FHIT: variants seen among roughly 807,000 people sequenced by gnomAD.
FHIT encodes bis(5'-adenosyl)-triphosphatase.
FHIT carries 19 observed loss-of-function variants against 17.9 expected under a neutral mutation model. That is an observed-to-expected ratio of 1.06 (90% CI 0.74 to 1.56). The LOEUF is 1.56. Among genes scored for constraint, FHIT ranks in the 40% most tolerant of loss-of-function variants. The pLI is 0.00. For missense variants in FHIT, 248 were observed against 189.2 expected (o/e 1.31, Z -1.82); for synonymous variants, 81 against 69.7 (o/e 1.16, Z -0.81).
At chr3:60,352,097 A>G (rs1419774485) in intron 5 of FHIT, among the ~76,000 whole-genome samples, 1 of 152,142 alleles carries the variant, frequency 6.6e-6, no homozygotes, top group African/African-American at 2.4e-5. Context: ...TTGTATTTCC[A>G]GCACTGAGGA....
At chr3:60,065,503 G>A (rs549065342) in intron 5 of FHIT, among the ~76,000 whole-genome samples, 1 of 152,128 alleles carries the variant, frequency 6.6e-6, no homozygotes, top group Non-Finnish European at 1.5e-5. Context: ...AGATCATAAA[G>A]CTCTTAATCA....
At chr3:60,444,612 G>A (rs549099629) in intron 5 of FHIT, among the ~76,000 whole-genome samples, 10 of 151,942 alleles carry the variant, frequency 6.6e-5, no homozygotes, top group African/African-American at 1.2e-4. Context: ...ACCAAACACC[G>A]CATGTTCTCA....
chr3:60,491,894 A>G (rs2034083400), intron 5 of FHIT, among the ~76,000 whole-genome samples: 1 of 152,190 alleles, frequency 6.6e-6, no homozygotes, highest in Non-Finnish European at 1.5e-5. Context: ...TAATATTTGT[A>G]TTTAGAATAT....
chr3:60,799,330 A>G (rs2251707), intron 4 of FHIT, among the ~76,000 whole-genome samples: 56,055 of 151,890 alleles, frequency 0.37, 12,401 homozygotes, highest in East Asian at 0.76. Flanking sequence ...ATGTGCCACC[A>G]TGCCCAGCTA....
intron 8 of FHIT, among the ~76,000 whole-genome samples, chr3:59,770,204 A>ACTAT (rs1250412775): frequency 1.3e-5 from 2 of 152,196 alleles, no homozygotes; most frequent in Non-Finnish European, 2.9e-5. Flanking sequence ...TTTTTTGTGG[A>ACTAT]CTATCTCATC....
At chr3:60,091,044 T>G (rs1015660089) in intron 5 of FHIT, among the ~76,000 whole-genome samples, 5 of 152,184 alleles carry the variant, frequency 3.3e-5, no homozygotes, top group Admixed American at 3.3e-4. Flanking sequence ...TGACCTCAGC[T>G]CACTGATGCA....
At chr3:59,905,863 T>C (rs1376115545) in intron 8 of FHIT, among the ~76,000 whole-genome samples, 2 of 152,162 alleles carry the variant, frequency 1.3e-5, no homozygotes, top group Non-Finnish European at 2.9e-5. Flanking sequence ...TTGAATGATA[T>C]TATATAATCA....
chr3:61,208,347 T>C (rs2039326623), intron 1 of FHIT, among the ~76,000 whole-genome samples: 2 of 152,088 alleles, frequency 1.3e-5, no homozygotes, highest in South Asian at 4.1e-4. Flanking sequence ...GGTGCAGAGC[T>C]GAGTTCAATT....
At chr3:60,067,391 T>C (rs1250782509) in intron 5 of FHIT, among the ~76,000 whole-genome samples, 8 of 152,246 alleles carry the variant, frequency 5.3e-5, no homozygotes, top group Non-Finnish European at 7.4e-5. Flanking sequence ...AGACTATGAA[T>C]GAATATATAT....
chr3:60,116,683 C>G (rs1704976914), intron 5 of FHIT, among the ~76,000 whole-genome samples: 1 of 151,888 alleles, frequency 6.6e-6, no homozygotes, highest in Non-Finnish European at 1.5e-5. Flanking sequence ...AAAAAGTAGC[C>G]CCAATATTAA....
At chr3:59,958,363 A>C (rs565610964) in intron 7 of FHIT, among the ~76,000 whole-genome samples, 1 of 152,182 alleles carries the variant, frequency 6.6e-6, no homozygotes, top group Non-Finnish European at 1.5e-5. Context: ...GGACTGTATA[A>C]AAAAAATCAC....
intron 2 of FHIT, among the ~76,000 whole-genome samples, chr3:61,111,401 G>A (rs2036156139): frequency 6.6e-6 from 1 of 151,978 alleles, no homozygotes. Context: ...TAACTACCTT[G>A]TCTATACCAC....
intron 1 of FHIT, among the ~76,000 whole-genome samples, chr3:61,207,806 G>T (rs1194290187): frequency 6.6e-6 from 1 of 152,058 alleles, no homozygotes; most frequent in Non-Finnish European, 1.5e-5. Context: ...GGTTTTTTGT[G>T]TCTCTATTTC....
chr3:61,174,633 T>C (rs148459416), intron 2 of FHIT, among the ~76,000 whole-genome samples: 75 of 152,368 alleles, frequency 4.9e-4, no homozygotes, highest in Middle Eastern at 6.8e-3. Context: ...TTTCACATGC[T>C]ATAGCCAGGC....
At chr3:59,752,198 T>A (rs762200329) in intron 9 of FHIT, 23 bp downstream of exon 9, 1 of 1,565,192 alleles carries the variant, frequency 6.4e-7, no homozygotes, top group Admixed American at 1.7e-5. Context: ...AGGGTCTGGG[T>A]AATGACGAAA....
chr3:60,408,464 G>A (rs1701953224), intron 5 of FHIT, among the ~76,000 whole-genome samples: 1 of 152,160 alleles, frequency 6.6e-6, no homozygotes. Flanking sequence ...GGCAAGGAAT[G>A]ACTGTACTAG....
intron 2 of FHIT, among the ~76,000 whole-genome samples, chr3:61,044,452 G>C (rs2033683961): frequency 6.6e-6 from 1 of 152,110 alleles, no homozygotes; most frequent in Non-Finnish European, 1.5e-5. Flanking sequence ...AAAAAGAGAT[G>C]AACAAAGCCT....
intron 2 of FHIT, among the ~76,000 whole-genome samples, chr3:61,047,445 A>G (rs1221173600): frequency 7.2e-6 from 1 of 138,434 alleles, no homozygotes; most frequent in Non-Finnish European, 1.6e-5. Flanking sequence ...AACCTCTTCA[A>G]GGAGAACTAC....
intron 7 of FHIT, among the ~76,000 whole-genome samples, chr3:60,001,355 G>T (rs1289933861): frequency 6.6e-6 from 1 of 152,132 alleles, no homozygotes; most frequent in South Asian, 2.1e-4. Context: ...TCATTTCAAA[G>T]TCTGTACTTG....
Sources: gnomAD v4.1 joint callset for allele counts (sites outside exome capture counted in the v4.1 genomes callset) on GRCh38, gnomAD v4.1.1 for gene constraint, MANE v1.5 for transcripts, NCBI Gene and HGNC (gene_info 2026-07-23, HGNC 2026-07-21) for gene names.